Variants in CD164 observed in about 807,000 individuals in gnomAD.
The protein encoded by CD164 is CD164 molecule.
Under a neutral mutation model 24.6 loss-of-function variants are expected in CD164, and 11 were observed. The observed-to-expected ratio is 0.45, with a 90% CI of 0.28 to 0.74. CD164 has a LOEUF of 0.74. Among genes scored for constraint, CD164 ranks in the 30% least tolerant of loss-of-function variants. The pLI, the probability that CD164 is intolerant of heterozygous loss-of-function variation, is 0.13. For missense variants in CD164, 295 were observed against 243.7 expected (o/e 1.21, Z -1.40); for synonymous variants, 126 against 100.3 (o/e 1.26, Z -1.53).
chr6:109,378,989 A>G (rs576741191), intron 2 of CD164, among the ~76,000 whole-genome samples: 20 of 152,270 alleles, frequency 1.3e-4, no homozygotes, highest in South Asian at 8.3e-4. Flanking sequence ...TATGGTTCTA[A>G]TAAGAATCTT....
At position 109,367,660 on chromosome 6, in the gene CD164, T is replaced by C. The variant is rs1468456340; in HGVS notation, c.*1191A>G. On this transcript the variant is annotated 3_prime_UTR_variant, in exon 6 of 6. Transcript: ENST00000310786. Reference sequence around the variant, plus strand: ...CAGGACAATCAGTAAAAATCTACAGTAACCTGATCAACCAAAAAATCCTTA... The same window carrying C: ...CAGGACAATCAGTAAAAATCTACAGCAACCTGATCAACCAAAAAATCCTTA... 1 of 152,608 alleles carries C rather than the reference T, an allele frequency of 6.6e-6. No individual in the cohort carries two copies. The highest frequency in any genetic ancestry group is 1.9e-4 in the East Asian group (1 of 5,192). The allele number at this position is 152,608 out of a possible 1,614,324, so 9.5% of individuals were successfully genotyped here. A position where few individuals can be genotyped will look rare whatever the true frequency, so the allele number is the denominator to read the frequency against.
intron 1 of CD164, among the ~76,000 whole-genome samples, chr6:109,381,117 C>T (rs886359401): frequency 6.6e-6 from 1 of 152,238 alleles, no homozygotes; most frequent in Non-Finnish European, 1.5e-5. Flanking sequence ...AACATTACTC[C>T]TTAACTAATG....
intron 5 of CD164, among the ~76,000 whole-genome samples, chr6:109,369,750 A>T (rs1412296109): frequency 6.6e-6 from 1 of 152,208 alleles, no homozygotes; most frequent in Non-Finnish European, 1.5e-5. Flanking sequence ...GGCTTCACTG[A>T]AACTGAGAAA....
At chr6:109,374,288 G>A (rs1026208892) in intron 4 of CD164, among the ~76,000 whole-genome samples, 2 of 152,050 alleles carry the variant, frequency 1.3e-5, no homozygotes, top group Non-Finnish European at 2.9e-5. Flanking sequence ...CCACTTAAAT[G>A]GATTCTAGGT....
rs1195812037 is a variant in CD164 at position 109,368,770 on chromosome 6, G to C, written c.*81C>G. The stretch of plus-strand genomic sequence containing the variant: ...GATCCTGGAATAGCGTCTTCCATGT[G>C]GGACATCTTAAAAGATAGTATTTTG... On this transcript the variant is annotated 3_prime_UTR_variant, in exon 6 of 6. Coordinates refer to ENST00000310786, the MANE Select transcript of CD164 (RefSeq NM_006016.6). 6.6e-7 allele frequency: 1 copy of C among 1,508,760 alleles called. No homozygotes were observed. Among genetic ancestry groups the C allele is most frequent in the Non-Finnish European group, 8.8e-7 (1 of 1,133,578 alleles). 93.5% of individuals were successfully genotyped at this position (1,508,760 alleles called of 1,614,324 possible).
At chr6:109,370,551 C>A (rs1305690360) in intron 4 of CD164, 84 bp from the exon 5 acceptor site, 12 of 1,208,756 alleles carry the variant, frequency 9.9e-6, no homozygotes, top group Non-Finnish European at 1.4e-5. Context: ...AATAATCCTG[C>A]CAACTTCAAC....
At chr6:109,375,947 A>T (rs1771382941) in intron 4 of CD164, 127 bp downstream of exon 4, 1 of 708,230 alleles carries the variant, frequency 1.4e-6, no homozygotes, top group Non-Finnish European at 2.3e-6. Flanking sequence ...CTGTGGTCCA[A>T]GACTTTTAAG....
chr6:109,381,576 T>G, intron 1 of CD164: 1 of 702,622 alleles, frequency 1.4e-6, no homozygotes. Flanking sequence ...CCTTTTCGCA[T>G]ACTTTGAAGT....
intron 1 of CD164, chr6:109,381,995 G>C (rs374869699): frequency 9.2e-5 from 36 of 391,010 alleles, no homozygotes; most frequent in African/African-American, 6.5e-4. Flanking sequence ...TGGGAACCGC[G>C]CGTCCGCTTC....
At chr6:109,373,084 T>C (rs1013986738) in intron 4 of CD164, among the ~76,000 whole-genome samples, 2 of 152,130 alleles carry the variant, frequency 1.3e-5, no homozygotes, top group African/African-American at 4.8e-5. Flanking sequence ...TAAAAGTTGC[T>C]ATTAGTGGTA....
intron 4 of CD164, 59 bp from the exon 5 acceptor site, chr6:109,370,526 C>G: frequency 2.1e-6 from 3 of 1,427,400 alleles, no homozygotes; most frequent in Non-Finnish European, 2.9e-6. Context: ...TCCCAGTTAT[C>G]TAACAGCTTT....
intron 4 of CD164, among the ~76,000 whole-genome samples, chr6:109,373,250 C>A (rs1771194550): frequency 6.6e-6 from 1 of 152,116 alleles, no homozygotes; most frequent in African/African-American, 2.4e-5. Context: ...GAACATTTTC[C>A]ACTGTATCTG....
At chr6:109,369,359 A>C (rs1482295357) in intron 5 of CD164, among the ~76,000 whole-genome samples, 3 of 152,228 alleles carry the variant, frequency 2.0e-5, no homozygotes, top group Non-Finnish European at 4.4e-5. Flanking sequence ...TTGTGAGTGT[A>C]AACGTCAATA....
chr6:109,382,218 G>C lies in CD164; in HGVS notation c.161C>G (p.Thr54Ser). The C allele has an allele frequency of 6.4e-7, 1 of 1,571,776 alleles. No individual in the cohort carries two copies. The highest frequency in any genetic ancestry group is 8.6e-7 in the Non-Finnish European group (1 of 1,164,024). The change falls in exon 1 of 6, where the codon ACC (threonine) becomes AGC (serine). Residue 54 changes from threonine to serine, a missense_variant. Coordinates refer to ENST00000310786, the MANE Select transcript of CD164 (RefSeq NM_006016.6). ...CCCGCGCCCACCTGGTGCCGGAGTG[G>C]TGACCAGCGGGAGGGACGTCACCGG... is the stretch of plus-strand genomic sequence containing the variant. ...SAPVTSLPLV[T>S]TPAPETCEGR...
At position 109,382,363 on chromosome 6, in the gene CD164, G is replaced by A. The variant is rs772783742; in HGVS notation, c.16C>T (p.Arg6Cys). ...CAGGTGGCGGCCCAAAGCAGTGAGC[G>A]GGAGAGCCGCGACATCGTGTCCTCA... MSRLS[R>C]SLLWAATCLG... Residue 6 changes from arginine (R) to cysteine (C), a missense_variant, in exon 1 of 6, where the codon CGC (arginine) becomes TGC (cysteine). Physicochemically the swap from Arg to Cys is radical, Grantham distance 180. Coordinates refer to ENST00000310786, the MANE Select transcript of CD164 (RefSeq NM_006016.6). The A allele has an allele frequency of 2.6e-5, 41 of 1,549,214 alleles. No individual in the cohort carries two copies. The highest frequency in any genetic ancestry group is 3.3e-5 in the Non-Finnish European group (38 of 1,153,478).
intron 5 of CD164, 88 bp from the exon 6 acceptor site, chr6:109,369,105 A>G: frequency 8.7e-7 from 1 of 1,154,182 alleles, no homozygotes; most frequent in Non-Finnish European, 1.2e-6. Context: ...CTATTTTGCC[A>G]TGTGTTAAAT....
At position 109,377,976 on chromosome 6, in the gene CD164, TGGG is replaced by T; in HGVS notation, c.260-8_260-6del. On this transcript the variant is annotated splice_region_variant and splice_polypyrimidine_tract_variant and intron_variant, in intron 2 of 5. Coordinates refer to ENST00000310786, the MANE Select transcript of CD164 (RefSeq NM_006016.6). ...TATGTGAACAATAGCTCTCATCTGTTGGGGGGCAGGGGAAAAGAGACAAACAGC... is the reference window on the plus strand; with the variant it reads ...TATGTGAACAATAGCTCTCATCTGTTGGGCAGGGGAAAAGAGACAAACAGC... 6.2e-7 allele frequency: 1 copy of T among 1,612,158 alleles called. No homozygotes were observed. The highest frequency in any genetic ancestry group is 8.5e-7 in the Non-Finnish European group (1 of 1,178,894).
chr6:109,376,082 T>G lies in CD164; in HGVS notation c.362A>C (p.Asn121Thr). The change falls in exon 4 of 6, where the codon AAT becomes ACT. Residue 121 changes from asparagine (N) to threonine (T), a missense_variant. By Grantham distance (65) the Asn-to-Thr change is moderately conservative. Coordinates refer to ENST00000310786, the MANE Select transcript of CD164 (RefSeq NM_006016.6). ...CAGTCATCTTGAATTACCTGTAGAA[T>G]TGGCTGTTGGCACTGGAGTGGCCGT... ...VSTATPVPTA[N>T]STAKPTVQPS... The G allele has an allele frequency of 6.4e-7, 1 of 1,570,650 alleles. No individual in the cohort carries two copies. Among genetic ancestry groups the G allele is most frequent in the Non-Finnish European group, 8.6e-7 (1 of 1,168,958 alleles).
In CD164 at chr6:109,382,223, C is replaced by T. The variant is rs1771803893; in HGVS notation, c.156G>A (p.Leu52=). The part of the protein sequence containing the change: ...VTSAPVTSLP[L]VTTPAPETCE... ...GCCCACCTGGTGCCGGAGTGGTGAC[C>T]AGCGGGAGGGACGTCACCGGCGCCG... Residue 52 remains leucine (L), a synonymous_variant, in exon 1 of 6, where the codon CTG becomes CTA. Coordinates refer to ENST00000310786, the MANE Select transcript of CD164 (RefSeq NM_006016.6). 3 of 1,575,850 alleles carry T rather than the reference C, an allele frequency of 1.9e-6. No individual in the cohort carries two copies. Among genetic ancestry groups the T allele is most frequent in the Middle Eastern group, 1.8e-4 (1 of 5,584 alleles).
Sources: allele counts gnomAD v4.1 joint callset (sites outside exome capture counted in the v4.1 genomes callset), GRCh38; gene constraint gnomAD v4.1.1; transcripts MANE v1.5; gene names NCBI Gene and HGNC (gene_info 2026-07-23, HGNC 2026-07-21).